SDF2: variants seen among roughly 807,000 people sequenced by gnomAD.
The protein encoded by SDF2 is stromal cell-derived factor 2.
SDF2 carries 12 observed loss-of-function variants against 20.5 expected under a neutral mutation model. That is an observed-to-expected ratio of 0.58 (90% CI 0.37 to 0.95). SDF2 has a LOEUF of 0.95. SDF2 is among the 40% of genes least tolerant of loss of function. The probability of loss-of-function intolerance (pLI) is 0.01; values close to 1 mark genes in which losing one functional copy is unlikely to be tolerated. For missense variants in SDF2, 238 were observed against 263.1 expected, an observed-to-expected ratio of 0.90 and a Z score of 0.66; for synonymous variants, 100 against 101.0, an observed-to-expected ratio of 0.99 and a Z score of 0.06.
chr17:28,660,192 T>A (rs1347590126), intron 1 of SDF2, among the ~76,000 whole-genome samples: 1 of 152,086 alleles, frequency 6.6e-6, no homozygotes, highest in Non-Finnish European at 1.5e-5. Context: ...CGAGCCGAGA[T>A]CACGGCAGTA....
chr17:28,650,793 G>A (rs2071907505), intron 2 of SDF2, among the ~76,000 whole-genome samples: 1 of 103,330 alleles, frequency 9.7e-6, no homozygotes, highest in Non-Finnish European at 1.8e-5. Context: ...ACAAGAGTGA[G>A]ACTTTGTCTC....
chr17:28,648,386 G>C lies in SDF2; in HGVS notation c.*603C>G, dbSNP rs2071882961. The stretch of plus-strand genomic sequence containing the variant: ...ATTTATTATGCTGTATTCTCTGAGA[G>C]TTTTTAGCTATAATTAGTCAAAGAT... On this transcript the variant is annotated 3_prime_UTR_variant, in exon 3 of 3. Transcript: ENST00000247020. 1 of 153,334 alleles carries C rather than the reference G, an allele frequency of 6.5e-6. No individual in the cohort carries two copies. 9.5% of individuals were successfully genotyped at this position (153,334 alleles called of 1,614,324 possible).
chr17:28,655,849 A>G (rs763513704), intron 1 of SDF2: 1 of 253,450 alleles, frequency 3.9e-6, no homozygotes, highest in Non-Finnish European at 7.8e-6. Context: ...AACCAGAGAC[A>G]TGGCTAAGCC....
chr17:28,653,739 G>C (rs913629152), intron 2 of SDF2, among the ~76,000 whole-genome samples: 5 of 152,142 alleles, frequency 3.3e-5, no homozygotes, highest in Non-Finnish European at 7.4e-5. Context: ...TTGAACCTGG[G>C]AGGCGGAGGT....
chr17:28,652,181 T>TA (rs931538479), intron 2 of SDF2, among the ~76,000 whole-genome samples: 45 of 146,378 alleles, frequency 3.1e-4, no homozygotes, highest in African/African-American at 9.3e-4. Context: ...GAACCCATCT[T>TA]AAAAAAAAAA....
chr17:28,649,045 T>C lies in SDF2; in HGVS notation c.580A>G (p.Ile194Val). ...AACAACTCACTGGGCTTCATGAAGATGCCTTCCATGGCTTTCCAGTAGTTG... is the reference window on the plus strand; with the variant it reads ...AACAACTCACTGGGCTTCATGAAGACGCCTTCCATGGCTTTCCAGTAGTTG... ...QNNYWKAMEG[I>V]FMKPSELLKA... The change falls in exon 3 of 3, where the codon ATC (isoleucine) becomes GTC (valine). Residue 194 changes from isoleucine (I) to valine (V), a missense_variant. Ile to Val is a conservative substitution (Grantham distance 29). Coordinates refer to ENST00000247020, the MANE Select transcript of SDF2 (RefSeq NM_006923.4). The C allele has an allele frequency of 6.2e-7, 1 of 1,614,252 alleles. No individual in the cohort carries two copies. The highest frequency in any genetic ancestry group is 2.2e-5 in the East Asian group (1 of 44,888).
Position 28,649,075 on chromosome 17 carries a change from G to A in SDF2, c.550C>T (p.Gln184Ter). 1 of 1,614,202 alleles carries A rather than the reference G, an allele frequency of 6.2e-7. No individual in the cohort carries two copies. Among genetic ancestry groups the A allele is most frequent in the East Asian group, 2.2e-5 (1 of 44,892 alleles). ...KEVHGMAQPS[Q>*]NNYWKAMEGI... The stretch of plus-strand genomic sequence containing the variant: ...TCCATGGCTTTCCAGTAGTTGTTCT[G>A]ACTTGGCTGGGCCATGCCATGCACC... Residue 184 changes from glutamine (Q) to a stop codon, truncating the protein, a stop_gained, in exon 3 of 3, where the codon CAG becomes TAG. Transcript: ENST00000247020. LOFTEE classifies it high-confidence loss of function.
intron 1 of SDF2, among the ~76,000 whole-genome samples, chr17:28,657,528 G>A (rs930403588): frequency 1.3e-5 from 2 of 151,908 alleles, no homozygotes; most frequent in African/African-American, 4.8e-5. Flanking sequence ...CTCCCAAGTA[G>A]CTGGGATTTC....
Position 28,655,383 on chromosome 17 carries a change from G to C in SDF2, c.252C>G (p.Thr84=). The C allele has an allele frequency of 6.2e-7, 1 of 1,614,206 alleles. No individual in the cohort carries two copies. The highest frequency in any genetic ancestry group is 1.3e-5 in the African/African-American group (1 of 75,048). The change falls in exon 2 of 3, where the codon ACC becomes ACG. Residue 84 remains threonine (T), a synonymous_variant. Transcript: ENST00000247020. ...GGATGGGCTGGCCACACTTGATGGG[G>C]GTTCCCCTCTCACACACTGTGGCAC... ...GKSATVCERG[T]PIKCGQPIRL... is the part of the protein sequence containing the mutation.
At chr17:28,654,910 C>CAT (rs1251832065) in intron 2 of SDF2, among the ~76,000 whole-genome samples, 2 of 152,028 alleles carry the variant, frequency 1.3e-5, no homozygotes, top group Non-Finnish European at 1.5e-5. Context: ...GAGCTGAGAC[C>CAT]ATGCCATTGC....
At chr17:28,662,000 A>C, upstream of SDF2, 1 of 1,175,676 alleles carries the variant, frequency 8.5e-7, no homozygotes, top group Non-Finnish European at 1.2e-6. Context: ...TTTATGGTTT[A>C]TTTGACTAGA....
intron 2 of SDF2, among the ~76,000 whole-genome samples, chr17:28,651,943 A>G (rs1180750381): frequency 6.6e-6 from 1 of 152,194 alleles, no homozygotes; most frequent in Non-Finnish European, 1.5e-5. Context: ...TTGGAGTGGG[A>G]ATTTACAAAT....
At chr17:28,653,157 A>T (rs2071928858) in intron 2 of SDF2, among the ~76,000 whole-genome samples, 1 of 152,220 alleles carries the variant, frequency 6.6e-6, no homozygotes, top group East Asian at 1.9e-4. Context: ...AAAGGGGGAA[A>T]ATGAAAAGAA....
At chr17:28,651,938 G>A (rs958664894) in intron 2 of SDF2, among the ~76,000 whole-genome samples, 2 of 152,194 alleles carry the variant, frequency 1.3e-5, no homozygotes, top group African/African-American at 4.8e-5. Flanking sequence ...TACTGTTGGA[G>A]TGGGAATTTA....
At chr17:28,649,415 T>C (rs574720964) in intron 2 of SDF2, 139 bp from the exon 3 acceptor site, 6 of 780,524 alleles carry the variant, frequency 7.7e-6, no homozygotes, top group Admixed American at 5.2e-5. Context: ...TCCTACCACT[T>C]TGGGAAGCTG....
At chr17:28,651,158 C>T (rs1039106781) in intron 2 of SDF2, among the ~76,000 whole-genome samples, 2 of 152,072 alleles carry the variant, frequency 1.3e-5, no homozygotes, top group South Asian at 2.1e-4. Flanking sequence ...GCAACCTCCA[C>T]CTCTTGGGTT....
chr17:28,657,655 C>T (rs569694974), intron 1 of SDF2: 4 of 152,134 alleles, frequency 2.6e-5, no homozygotes, highest in South Asian at 4.2e-4. Flanking sequence ...GCCTCAGCCT[C>T]CCAAAGTGCT....
chr17:28,661,868 T>TGTATCGCGGTA lies in SDF2; in HGVS notation c.8_9insTACCGCGATAC (p.Val4ThrfsTer31). The TGTATCGCGGTA allele has an allele frequency of 6.2e-7, 1 of 1,611,578 alleles. No homozygotes were observed. Among genetic ancestry groups the TGTATCGCGGTA allele is most frequent in the Non-Finnish European group, 8.5e-7 (1 of 1,177,876 alleles). ...AACCCCCCAACAACAGCAGAGGTACTACAGCCATCCTAACTGTATCGCGGA... is the reference window on the plus strand; with the variant it reads ...AACCCCCCAACAACAGCAGAGGTACTGTATCGCGGTAACAGCCATCCTAACTGTATCGCGGA... On this transcript the variant is annotated frameshift_variant, in exon 1 of 3. Transcript: ENST00000247020. LOFTEE classifies it high-confidence loss of function.
At chr17:28,653,952 CA>C (rs889780973) in intron 2 of SDF2, among the ~76,000 whole-genome samples, 2 of 152,170 alleles carry the variant, frequency 1.3e-5, no homozygotes, top group African/African-American at 4.8e-5. Context: ...AAACTGCATA[CA>C]GGGGCTGGGG....
Sources: allele counts gnomAD v4.1 joint callset (sites outside exome capture counted in the v4.1 genomes callset), GRCh38; gene constraint gnomAD v4.1.1; transcripts MANE v1.5; gene names NCBI Gene and HGNC (gene_info 2026-07-23, HGNC 2026-07-21).